Variants in CDH12 observed in about 807,000 individuals in gnomAD.
CDH12 encodes the protein cadherin 12.
Under a neutral mutation model 74.1 loss-of-function variants are expected in CDH12, and 41 were observed. That is an observed-to-expected ratio of 0.55 (90% CI 0.43 to 0.72). The LOEUF (loss-of-function observed/expected upper bound fraction) is 0.72, where lower values mean the gene tolerates loss of function less well. Among genes scored for constraint, CDH12 ranks in the 30% least tolerant of loss-of-function variants. The probability of loss-of-function intolerance (pLI) is 0.00; values close to 1 mark genes in which losing one functional copy is unlikely to be tolerated. For missense variants in CDH12, 945 were observed against 977.2 expected, an observed-to-expected ratio of 0.97 and a Z score of 0.44; for synonymous variants, 399 against 355.0, an observed-to-expected ratio of 1.12 and a Z score of -1.39.
intron 4 of CDH12, among the ~76,000 whole-genome samples, chr5:22,133,738 C>T (rs1485374748): frequency 6.6e-6 from 1 of 152,082 alleles, no homozygotes; most frequent in African/African-American, 2.4e-5. Flanking sequence ...TACATCTATA[C>T]ATAATTACGT....
chr5:22,405,688 C>T (rs1742912542), intron 2 of CDH12, among the ~76,000 whole-genome samples: 1 of 152,154 alleles, frequency 6.6e-6, no homozygotes, highest in Non-Finnish European at 1.5e-5. Flanking sequence ...ATGGAGTCAA[C>T]TGCATTAAAC....
At chr5:22,474,751 A>AGAGAAAC (rs1406861752) in intron 2 of CDH12, among the ~76,000 whole-genome samples, 1 of 152,118 alleles carries the variant, frequency 6.6e-6, no homozygotes, top group Non-Finnish European at 1.5e-5. Context: ...TGATCATCAC[A>AGAGAAAC]GAGAAACGTC....
chr5:22,390,619 T>TAGATAGAC (rs1742207515), intron 3 of CDH12, among the ~76,000 whole-genome samples: 1 of 150,192 alleles, frequency 6.7e-6, no homozygotes, highest in Admixed American at 6.7e-5. Context: ...GATAGATAGA[T>TAGATAGAC]AGATGATAGA....
At chr5:22,194,543 G>T (rs1386332540) in intron 4 of CDH12, among the ~76,000 whole-genome samples, 9 of 151,904 alleles carry the variant, frequency 5.9e-5, no homozygotes, top group African/African-American at 2.2e-4. Flanking sequence ...TGTTGGCAAG[G>T]CTGGTCTCGA....
intron 1 of CDH12, among the ~76,000 whole-genome samples, chr5:22,617,271 G>A (rs1356621867): frequency 1.3e-5 from 2 of 152,000 alleles, no homozygotes; most frequent in East Asian, 3.9e-4. Flanking sequence ...ATGAGGAACT[G>A]TGCCCTCACC....
At chr5:22,004,044 G>A (rs1470949921) in intron 5 of CDH12, among the ~76,000 whole-genome samples, 1 of 152,090 alleles carries the variant, frequency 6.6e-6, no homozygotes, top group African/African-American at 2.4e-5. Flanking sequence ...AGGGTCTGAT[G>A]CTGAAAAATC....
intron 4 of CDH12, among the ~76,000 whole-genome samples, chr5:22,123,679 G>C (rs1745656913): frequency 2.0e-5 from 3 of 152,054 alleles, no homozygotes; most frequent in Non-Finnish European, 1.5e-5. Flanking sequence ...AAAATGTGTT[G>C]CCTTTGTATT....
intron 4 of CDH12, among the ~76,000 whole-genome samples, chr5:22,188,873 T>G (rs1196741016): frequency 1.3e-5 from 2 of 152,150 alleles, no homozygotes; most frequent in Non-Finnish European, 2.9e-5. Context: ...TTGGAATAAC[T>G]CTCCTAATGT....
At chr5:22,587,272 T>C (rs1019526076) in intron 1 of CDH12, among the ~76,000 whole-genome samples, 1 of 152,042 alleles carries the variant, frequency 6.6e-6, no homozygotes, top group South Asian at 2.1e-4. Context: ...CTTTCCACCA[T>C]GGAAAGGTGC....
At chr5:21,895,597 G>A (rs1231900409) in intron 6 of CDH12, among the ~76,000 whole-genome samples, 1 of 152,118 alleles carries the variant, frequency 6.6e-6, no homozygotes, top group Non-Finnish European at 1.5e-5. Context: ...ACACAGCTGC[G>A]CTTTTCTTTC....
At chr5:22,431,356 T>A (rs1744164549) in intron 2 of CDH12, among the ~76,000 whole-genome samples, 1 of 152,218 alleles carries the variant, frequency 6.6e-6, no homozygotes, top group African/African-American at 2.4e-5. Flanking sequence ...TCATAACATT[T>A]CAGCACAAAG....
intron 3 of CDH12, among the ~76,000 whole-genome samples, chr5:22,381,618 T>C (rs896264633): frequency 1.8e-4 from 28 of 151,992 alleles, no homozygotes; most frequent in African/African-American, 6.8e-4. Flanking sequence ...TCTTTCTGAG[T>C]AAAGTTTGGT....
At chr5:22,718,119 C>T (rs1743678309) in intron 1 of CDH12, among the ~76,000 whole-genome samples, 1 of 152,170 alleles carries the variant, frequency 6.6e-6, no homozygotes, top group South Asian at 2.1e-4. Flanking sequence ...TACTCAAATT[C>T]ATCAAATGCT....
At chr5:22,322,421 A>G (rs1738924934) in intron 3 of CDH12, among the ~76,000 whole-genome samples, 1 of 152,056 alleles carries the variant, frequency 6.6e-6, no homozygotes, top group African/African-American at 2.4e-5. Context: ...CAAGAGCAAG[A>G]AAAAATTCTC....
intron 6 of CDH12, among the ~76,000 whole-genome samples, chr5:21,858,372 C>G (rs1750862519): frequency 6.6e-6 from 1 of 151,736 alleles, no homozygotes; most frequent in African/African-American, 2.4e-5. Context: ...GCATACATTA[C>G]CTAGATGAAT....
At chr5:22,299,972 C>T (rs141335103) in intron 3 of CDH12, among the ~76,000 whole-genome samples, 499 of 152,264 alleles carry the variant, frequency 3.3e-3, no homozygotes, top group Non-Finnish European at 5.3e-3. Flanking sequence ...GGCTTTTACT[C>T]AAGTGCATAG....
At chr5:22,507,085 T>C (rs895770167) in intron 1 of CDH12, among the ~76,000 whole-genome samples, 1 of 152,116 alleles carries the variant, frequency 6.6e-6, no homozygotes, top group Non-Finnish European at 1.5e-5. Context: ...TTTATTTTCA[T>C]TCGTTTCTAC....
chr5:22,536,899 T>C (rs546245411), intron 1 of CDH12, among the ~76,000 whole-genome samples: 5 of 152,340 alleles, frequency 3.3e-5, no homozygotes, highest in South Asian at 2.1e-4. Context: ...TTTTCTGATA[T>C]AAATGGCCTC....
chr5:22,764,710 CA>C (rs1186132675), intron 1 of CDH12, among the ~76,000 whole-genome samples: 5 of 151,978 alleles, frequency 3.3e-5, no homozygotes, highest in Admixed American at 6.6e-5. Context: ...TATGATGCCT[CA>C]AAAGGAGAAC....
Sources: allele counts gnomAD v4.1 joint callset (sites outside exome capture counted in the v4.1 genomes callset), GRCh38; gene constraint gnomAD v4.1.1; transcripts MANE v1.5; gene names NCBI Gene and HGNC (gene_info 2026-07-23, HGNC 2026-07-21).